Variants in NTSR1 observed in about 807,000 individuals in gnomAD.
NTSR1 encodes neurotensin receptor 1, also known as neurotensin receptor type 1.
In NTSR1, 29 loss-of-function variants were observed where a neutral mutation model predicts 31.2. That is an observed-to-expected ratio of 0.93 (90% CI 0.69 to 1.27). The LOEUF (loss-of-function observed/expected upper bound fraction) is 1.27. Ranked by LOEUF, NTSR1 falls within the 50% of genes most tolerant of loss-of-function variation. NTSR1 has a pLI of 0.00. For missense variants in NTSR1, 697 were observed against 595.4 expected (o/e 1.17, Z -1.78); for synonymous variants, 282 against 269.9 (o/e 1.04, Z -0.44).
chr20:62,749,986 G>A (rs1403799838), intron 1 of NTSR1, among the ~76,000 whole-genome samples: 1 of 152,186 alleles, frequency 6.6e-6, no homozygotes, highest in South Asian at 2.1e-4. Flanking sequence ...ATCTTGAAAA[G>A]ATCCCTGCAA....
In NTSR1 at chr20:62,715,392, C is replaced by A. The variant is rs554437083; in HGVS notation, c.714+5471C>A. On this transcript the variant is annotated intron_variant, in intron 1 of 3. Transcript: ENST00000370501. The surrounding 1 kb of genome is among the most constrained non-coding windows in gnomAD (Gnocchi z 4.7). ...AGGGCAGAGCCACCTGTGCACATCA[C>A]GTGGCTGGAGAGAGACAGGGCCTGG... 9.8e-5 allele frequency among the ~76,000 whole-genome samples: 15 copies of A among 152,310 alleles called. No homozygotes were observed. Among genetic ancestry groups the A allele is most frequent in the African/African-American group, 2.4e-4 (10 of 41,576 alleles).
rs1007004263 is a variant in NTSR1, at chr20:62,709,426, C to T, written c.219C>T (p.Leu73=). Reference sequence around the variant, plus strand: ...TGGTGACCGCCGTGTACCTGGCGCTCTTCGTGGTGGGCACGGTGGGCAACA... The same window carrying T: ...TGGTGACCGCCGTGTACCTGGCGCTTTTCGTGGTGGGCACGGTGGGCAACA... ...KVLVTAVYLA[L]FVVGTVGNTV... Residue 73 remains leucine (L), a synonymous_variant, in exon 1 of 4, where the codon CTC becomes CTT. Transcript: ENST00000370501. 1.4e-5 allele frequency: 23 copies of T among 1,611,972 alleles called. No individual in the cohort carries two copies. In the Admixed American group the frequency reaches 2.8e-4, roughly 20 times the overall value.
At position 62,741,395 on chromosome 20, in the gene NTSR1, C is replaced by G. The variant is rs1019112057; in HGVS notation, c.715-13290C>G. Reference sequence around the variant, plus strand: ...GCCTGGAAGAGGAGAGGAGGGCAAACCTCTTGCAGAGGTGACGGGTGACTC... The same window carrying G: ...GCCTGGAAGAGGAGAGGAGGGCAAAGCTCTTGCAGAGGTGACGGGTGACTC... On this transcript the variant is annotated intron_variant, in intron 1 of 3. Transcript: ENST00000370501. The surrounding 1 kb of genome is among the most constrained non-coding windows in gnomAD (Gnocchi z 4.3). Among the ~76,000 whole-genome samples the G allele has an allele frequency of 3.3e-5, 5 of 149,662 alleles. 1 individual carries two copies. Among genetic ancestry groups the G allele is most frequent in the African/African-American group, 1.2e-4 (5 of 40,116 alleles).
At chr20:62,739,906 T>C (rs1468229836) in intron 1 of NTSR1, among the ~76,000 whole-genome samples, 2 of 152,234 alleles carry the variant, frequency 1.3e-5, no homozygotes, top group Non-Finnish European at 2.9e-5. Flanking sequence ...GAACACTTGC[T>C]CTTTTCCAAA....
intron 1 of NTSR1, among the ~76,000 whole-genome samples, chr20:62,747,226 T>C (rs1314005752): frequency 6.6e-6 from 1 of 152,140 alleles, no homozygotes; most frequent in Non-Finnish European, 1.5e-5. Context: ...AAACTGGGTG[T>C]TGAATGCATG....
In NTSR1 at chr20:62,733,249, C is replaced by G. The variant is rs947694179; in HGVS notation, c.715-21436C>G. The G allele has an allele frequency of 3.9e-5, 6 of 152,228 alleles. No individual in the cohort carries two copies. Among genetic ancestry groups the G allele is most frequent in the Non-Finnish European group, 5.9e-5 (4 of 68,044 alleles). The allele number at this position is 152,228 out of a possible 1,614,324, so 9.4% of individuals were successfully genotyped here. On this transcript the variant is annotated intron_variant, in intron 1 of 3. Transcript: ENST00000370501. This position sits in a 1 kb window ranked among gnomAD's most constrained non-coding sequence, Gnocchi z 5.2. ...AATGTGCATCCCGGTCCCCGCAGGG[C>G]CACCCTGGAGGCACCTCTGCACCTC...
At chr20:62,728,380 G>T (rs1988945690) in intron 1 of NTSR1, among the ~76,000 whole-genome samples, 1 of 152,164 alleles carries the variant, frequency 6.6e-6, no homozygotes, top group African/African-American at 2.4e-5. Flanking sequence ...CCCTGAGGAG[G>T]GGGTGGAGCT....
At chr20:62,712,106 C>G (rs1239323811) in intron 1 of NTSR1, among the ~76,000 whole-genome samples, 3 of 152,242 alleles carry the variant, frequency 2.0e-5, no homozygotes, top group African/African-American at 4.8e-5. Flanking sequence ...GCCAGCTGCT[C>G]TGTGTGCTTG....
chr20:62,708,958 C>G lies in NTSR1; in HGVS notation c.-250C>G, dbSNP rs1427168038. The G allele has an allele frequency of 4.9e-6, 2 of 411,822 alleles. No homozygotes were observed. The highest frequency in any genetic ancestry group is 3.8e-5 in the East Asian group (1 of 26,358). The allele number at this position is 411,822 out of a possible 1,614,324, so 25.5% of individuals were successfully genotyped here. A position where few individuals can be genotyped will look rare whatever the true frequency, so the allele number is the denominator to read the frequency against. ...GCAAGCGCCGAGCCGGGAGACAGCC[C>G]GAGGAACCACGGGTTCTGGAGCTAG... On this transcript the variant is annotated 5_prime_UTR_variant, in exon 1 of 4. Transcript: ENST00000370501. This position sits in a 1 kb window ranked among gnomAD's most constrained non-coding sequence, Gnocchi z 5.9.
At chr20:62,738,078 C>T (rs1211170847) in intron 1 of NTSR1, among the ~76,000 whole-genome samples, 1 of 152,186 alleles carries the variant, frequency 6.6e-6, no homozygotes, top group Non-Finnish European at 1.5e-5. Flanking sequence ...CCCTCCCCCT[C>T]CTCTGCCTAT....
chr20:62,727,473 G>A (rs1028292314), intron 1 of NTSR1, among the ~76,000 whole-genome samples: 1 of 152,222 alleles, frequency 6.6e-6, no homozygotes, highest in African/African-American at 2.4e-5. Context: ...CAGCTGGACT[G>A]CCGGCGGGTC....
chr20:62,717,248 C>T (rs1010623781), intron 1 of NTSR1, among the ~76,000 whole-genome samples: 4 of 152,222 alleles, frequency 2.6e-5, no homozygotes, highest in South Asian at 4.1e-4. Context: ...CTGACCCACC[C>T]GAAGCCACCC....
chr20:62,746,229 A>G (rs1250575784), intron 1 of NTSR1, among the ~76,000 whole-genome samples: 1 of 152,028 alleles, frequency 6.6e-6, no homozygotes, highest in Non-Finnish European at 1.5e-5. Context: ...CAGGTCTGTG[A>G]GTTTGCTGGA....
chr20:62,749,334 G>A (rs1365525913), intron 1 of NTSR1, among the ~76,000 whole-genome samples: 2 of 152,036 alleles, frequency 1.3e-5, no homozygotes, highest in African/African-American at 2.4e-5. Context: ...CCAGCTACTC[G>A]AGAGCCTGAA....
Position 62,745,827 on chromosome 20 carries a change from C to T in NTSR1, c.715-8858C>T, listed in dbSNP as rs978018086. 9.8e-5 allele frequency among the ~76,000 whole-genome samples: 15 copies of T among 152,320 alleles called. No homozygotes were observed. The East Asian group carries it at 1.5e-3, about 16-fold the overall frequency. ...TGCTGCTTGGAATTGCAAAGCCAGG[C>T]GGTCTGGGAGTCCCAGCCACCACGC... On this transcript the variant is annotated intron_variant, in intron 1 of 3. Coordinates refer to ENST00000370501, the MANE Select transcript of NTSR1 (RefSeq NM_002531.3). The surrounding 1 kb of genome is among the most constrained non-coding windows in gnomAD (Gnocchi z 4.1).
chr20:62,723,348 C>T (rs1988854174), intron 1 of NTSR1, among the ~76,000 whole-genome samples: 2 of 152,144 alleles, frequency 1.3e-5, no homozygotes, highest in African/African-American at 4.8e-5. Context: ...AATCACGAAG[C>T]CCCCGGCTCC....
At chr20:62,728,428 C>A (rs947649126) in intron 1 of NTSR1, among the ~76,000 whole-genome samples, 1 of 152,184 alleles carries the variant, frequency 6.6e-6, no homozygotes. Flanking sequence ...AACAGACAGA[C>A]GTCCCCGCAG....
chr20:62,723,599 C>A (rs1347094958), intron 1 of NTSR1, among the ~76,000 whole-genome samples: 1 of 152,188 alleles, frequency 6.6e-6, no homozygotes, highest in East Asian at 1.9e-4. Flanking sequence ...TGGTGGAGGA[C>A]CAGATCCAGG....
rs1988613246 is a variant in NTSR1, at chr20:62,711,537, C to T, written c.714+1616C>T. 6.7e-6 allele frequency among the ~76,000 whole-genome samples: 1 copy of T among 149,106 alleles called. No homozygotes were observed. Among genetic ancestry groups the T allele is most frequent in the African/African-American group, 2.5e-5 (1 of 40,282 alleles). On this transcript the variant is annotated intron_variant, in intron 1 of 3. Transcript: ENST00000370501. The surrounding 1 kb of genome is among the most constrained non-coding windows in gnomAD (Gnocchi z 6.4). ...ACTGCCCACCCAGGAGATGCCCCCACTCAGACCCCGGATCCCCCCACTCAG... is the reference window on the plus strand; with the variant it reads ...ACTGCCCACCCAGGAGATGCCCCCATTCAGACCCCGGATCCCCCCACTCAG...
Sources: gnomAD v4.1 joint callset for allele counts (sites outside exome capture counted in the v4.1 genomes callset) on GRCh38, gnomAD v4.1.1 for gene constraint, Gnocchi (gnomAD v3.1) non-coding constraint, MANE v1.5 for transcripts, NCBI Gene and HGNC (gene_info 2026-07-23, HGNC 2026-07-21) for gene names.